Variants in NFYC observed in about 807,000 individuals in gnomAD.
The protein encoded by NFYC is CAAT box DNA-binding protein subunit C.
Under a neutral mutation model 53.1 loss-of-function variants are expected in NFYC, and 25 were observed. The ratio of observed to expected loss-of-function variants is 0.47; its 90% CI spans 0.34 to 0.66. NFYC has a LOEUF of 0.66. Ranked by LOEUF, NFYC falls within the 30% of genes least tolerant of loss-of-function variation. The pLI, the probability that NFYC is intolerant of heterozygous loss-of-function variation, is 0.01. For synonymous variants in NFYC, 145 were observed against 152.6 expected (o/e 0.95, Z 0.37); for missense variants, 260 against 422.7 (o/e 0.62, Z 3.38).
intron 6 of NFYC, among the ~76,000 whole-genome samples, chr1:40,761,185 G>A (rs953791500): frequency 6.6e-6 from 1 of 152,226 alleles, no homozygotes; most frequent in Admixed American, 6.5e-5. Flanking sequence ...TGAGTTGGCA[G>A]CATGCATTTC....
At chr1:40,727,939 T>G (rs557992686) in intron 1 of NFYC, among the ~76,000 whole-genome samples, 1 of 152,030 alleles carries the variant, frequency 6.6e-6, no homozygotes, top group East Asian at 1.9e-4. Context: ...TGTGTCCTTA[T>G]GAAGTGTTTT....
At chr1:40,696,254 A>T (rs1399714834) in intron 1 of NFYC, among the ~76,000 whole-genome samples, 4 of 151,922 alleles carry the variant, frequency 2.6e-5, no homozygotes, top group Non-Finnish European at 4.4e-5. Flanking sequence ...CAAACTCCTG[A>T]CCTCGTGATC....
rs1206710800 is a variant in NFYC, at chr1:40,727,449, C to T, written c.-8-11387C>T. Among the ~76,000 whole-genome samples the T allele has an allele frequency of 2.0e-5, 3 of 152,016 alleles. No homozygotes were observed. The East Asian group carries it at 5.8e-4, about 29-fold the overall frequency. On this transcript the variant is annotated intron_variant, in intron 1 of 9. Coordinates refer to ENST00000447388, the MANE Select transcript of NFYC (RefSeq NM_014223.5). ...TGTTGCCCAGGCTGGTTTTGAAGTC[C>T]TGAGCTAAAGCAGTCCTCCCGCCTT... is the stretch of plus-strand genomic sequence containing the variant.
At chr1:40,729,715 G>A (rs984041008) in intron 1 of NFYC, among the ~76,000 whole-genome samples, 16 of 149,056 alleles carry the variant, frequency 1.1e-4, no homozygotes, top group South Asian at 8.4e-4. Flanking sequence ...TTGCACTGTC[G>A]CCCAGGCTGG....
intron 1 of NFYC, among the ~76,000 whole-genome samples, chr1:40,710,188 T>C (rs1303253561): frequency 6.6e-6 from 1 of 152,260 alleles, no homozygotes; most frequent in East Asian, 1.9e-4. Context: ...AATCTTTGTT[T>C]TTAATGCACA....
chr1:40,750,674 G>C (rs1645864805), intron 4 of NFYC, among the ~76,000 whole-genome samples: 1 of 152,236 alleles, frequency 6.6e-6, no homozygotes, highest in Non-Finnish European at 1.5e-5. Flanking sequence ...AAGTTAGTCT[G>C]TGGATCCAGA....
At chr1:40,706,035 C>G (rs1339245037) in intron 1 of NFYC, among the ~76,000 whole-genome samples, 1 of 152,184 alleles carries the variant, frequency 6.6e-6, no homozygotes, top group Non-Finnish European at 1.5e-5. Context: ...TGTGAGCCAA[C>G]ACGCCTGGCC....
intron 1 of NFYC, chr1:40,730,662 A>T: frequency 1.1e-6 from 1 of 950,958 alleles, no homozygotes; most frequent in Non-Finnish European, 1.3e-6. Context: ...GGAGATGCAC[A>T]GGAATGGTTG....
Position 40,714,676 on chromosome 1 carries a change from G to A in NFYC, c.-9+22809G>A, listed in dbSNP as rs140939222. ...GTCACCCAGGCTAGAGTGTAGTGGT[G>A]TAATCATAGATCACTGCAACCTTAA... is the stretch of plus-strand genomic sequence containing the variant. On this transcript the variant is annotated intron_variant, in intron 1 of 9. Transcript: ENST00000447388. Among the ~76,000 whole-genome samples the A allele has an allele frequency of 4.2e-4, 64 of 152,168 alleles. No homozygotes were observed. The East Asian group carries it at 0.012, about 29-fold the overall frequency.
intron 6 of NFYC, 147 bp downstream of exon 6, chr1:40,758,441 C>T (rs182759359): frequency 3.7e-5 from 33 of 887,446 alleles, no homozygotes; most frequent in Admixed American, 2.2e-4. Context: ...TCCCCAGATT[C>T]AGCTACTGGG....
At chr1:40,757,950 T>C (rs1646321834) in intron 5 of NFYC, 171 bp from the exon 6 acceptor site, 1 of 667,620 alleles carries the variant, frequency 1.5e-6, no homozygotes, top group Non-Finnish European at 2.5e-6. Flanking sequence ...TTTAGTTTGA[T>C]TTAGCATAAC....
Position 40,738,203 on chromosome 1 carries a change from T to C in NFYC, c.-8-633T>C, listed in dbSNP as rs188973624. ...AGGCGTGAGCCACCGCGCCCGGCCC[T>C]CTCTCTTTTTTTAAGAGACAGACGC... On this transcript the variant is annotated intron_variant, in intron 1 of 9. Transcript: ENST00000447388. 6.0e-4 allele frequency among the ~76,000 whole-genome samples: 91 copies of C among 152,234 alleles called. 1 individual carries two copies. Among genetic ancestry groups the C allele is most frequent in the African/African-American group, 2.1e-3 (87 of 41,532 alleles).
chr1:40,701,873 T>C (rs1164509553), intron 1 of NFYC, among the ~76,000 whole-genome samples: 1 of 152,214 alleles, frequency 6.6e-6, no homozygotes, highest in African/African-American at 2.4e-5. Context: ...TGGAGTTGAA[T>C]AACTAGCACG....
chr1:40,759,253 A>C (rs1646404103), intron 6 of NFYC, among the ~76,000 whole-genome samples: 1 of 140,210 alleles, frequency 7.1e-6, no homozygotes, highest in Non-Finnish European at 1.6e-5. Context: ...AAAAAAAGGC[A>C]GGGGCATGTG....
rs188052873 is a variant in NFYC at position 40,763,471 on chromosome 1, C to T, written c.720+425C>T. The T allele has an allele frequency of 9.4e-4, 419 of 447,118 alleles. 3 individuals are homozygous for T. The highest frequency in any genetic ancestry group is 7.2e-3 in the African/African-American group (357 of 49,608). The allele number at this position is 447,118 out of a possible 1,614,324, so 27.7% of individuals were successfully genotyped here. A position where few individuals can be genotyped will look rare whatever the true frequency, so the allele number is the denominator to read the frequency against. ...AAGCGATTCTCCTGCCTCAGCCTCC[C>T]GAGTAGCTGGGATTATAGGCACGTG... On this transcript the variant is annotated intron_variant, in intron 7 of 9. Transcript: ENST00000447388.
intron 1 of NFYC, among the ~76,000 whole-genome samples, chr1:40,733,938 G>T (rs1245838071): frequency 1.3e-5 from 2 of 152,008 alleles, no homozygotes; most frequent in African/African-American, 4.8e-5. Context: ...GTAGAAACAG[G>T]GTTTTGCTAT....
intron 2 of NFYC, among the ~76,000 whole-genome samples, chr1:40,741,702 A>G (rs746121296): frequency 6.6e-6 from 1 of 151,240 alleles, no homozygotes; most frequent in Non-Finnish European, 1.5e-5. Flanking sequence ...TCTCAGGCTC[A>G]AGCGATCCTC....
chr1:40,705,103 T>C (rs1439904463), intron 1 of NFYC, among the ~76,000 whole-genome samples: 1 of 152,260 alleles, frequency 6.6e-6, no homozygotes, highest in Admixed American at 6.5e-5. Context: ...CTCTCTGGTA[T>C]ACATGGTGAT....
At chr1:40,709,034 A>G (rs1183710969) in intron 1 of NFYC, among the ~76,000 whole-genome samples, 3 of 152,222 alleles carry the variant, frequency 2.0e-5, no homozygotes, top group African/African-American at 7.2e-5. Flanking sequence ...GCTTGTTTTT[A>G]AGAACAATTC....
Sources: gnomAD v4.1 joint callset for allele counts (sites outside exome capture counted in the v4.1 genomes callset) on GRCh38, gnomAD v4.1.1 for gene constraint, MANE v1.5 for transcripts, NCBI Gene and HGNC (gene_info 2026-07-23, HGNC 2026-07-21) for gene names.